ARHGAP39: variants seen among roughly 807,000 people sequenced by gnomAD.
ARHGAP39 encodes rho GTPase-activating protein 39.
ARHGAP39 carries 44 observed loss-of-function variants against 106.9 expected under a neutral mutation model. The observed-to-expected ratio is 0.41, with a 90% CI of 0.32 to 0.53. The LOEUF (loss-of-function observed/expected upper bound fraction) is 0.53. Ranked by LOEUF, ARHGAP39 falls within the 20% of genes least tolerant of loss-of-function variation. The probability of loss-of-function intolerance (pLI) is 0.21; values close to 1 mark genes in which losing one functional copy is unlikely to be tolerated. For missense variants in ARHGAP39, 1,496 were observed against 1,577.3 expected, an observed-to-expected ratio of 0.95 and a Z score of 0.87; for synonymous variants, 768 against 693.2, an observed-to-expected ratio of 1.11 and a Z score of -1.69.
chr8:144,600,691 C>T (rs537607013), intron 2 of ARHGAP39, among the ~76,000 whole-genome samples: 11 of 137,888 alleles, frequency 8.0e-5, no homozygotes, highest in East Asian at 4.6e-4. Flanking sequence ...TGTGCGTGTG[C>T]GTGGAGACGT....
chr8:144,547,354 A>G lies in ARHGAP39; in HGVS notation c.1732T>C (p.Ser578Pro), dbSNP rs758861601. Residue 578 changes from serine to proline, a missense_variant, in exon 5 of 12, where the codon TCC becomes CCC. Physicochemically the swap from Ser to Pro is moderately conservative, Grantham distance 74. Around this residue, in one of 4 missense-constraint regions of ARHGAP39, gnomAD observed 905 missense variants for 816.4 expected, o/e 1.11. Coordinates refer to ENST00000377307, the MANE Select transcript of ARHGAP39 (RefSeq NM_025251.3). The surrounding 1 kb of genome is among the most constrained non-coding windows in gnomAD (Gnocchi z 5.2). ...FHMKQRSSWD[S>P]QQDGSGYESD... ...TCGTAGCCAGAGCCGTCCTGCTGGG[A>G]GTCCCAGCTGCTCCTCTGCTTCATG... is the stretch of plus-strand genomic sequence containing the variant. 6.9e-6 allele frequency: 11 copies of G among 1,603,332 alleles called. No homozygotes were observed. The highest frequency in any genetic ancestry group is 8.5e-6 in the Non-Finnish European group (10 of 1,178,036).
At chr8:144,686,813 TCTC>T (rs1039704251), upstream of ARHGAP39, among the ~76,000 whole-genome samples, 123 of 152,278 alleles carry the variant, frequency 8.1e-4, 1 homozygote, top group African/African-American at 2.5e-3. Context: ...GCCCAACCCT[TCTC>T]CTCCATGACT....
At chr8:144,621,678 C>T (rs1820811065) in intron 1 of ARHGAP39, among the ~76,000 whole-genome samples, 2 of 152,090 alleles carry the variant, frequency 1.3e-5, no homozygotes, top group South Asian at 2.1e-4. Context: ...ATTAGCAGGG[C>T]GTGGTGGTGC....
chr8:144,537,898 C>G, intron 6 of ARHGAP39, 85 bp from the exon 7 acceptor site: 1 of 1,259,212 alleles, frequency 7.9e-7, no homozygotes, highest in Middle Eastern at 1.9e-4. Flanking sequence ...GGCTGGTGAG[C>G]AGGCCCCTGG....
intron 1 of ARHGAP39, among the ~76,000 whole-genome samples, chr8:144,635,148 A>T (rs1821143275): frequency 6.6e-6 from 1 of 152,238 alleles, no homozygotes; most frequent in African/African-American, 2.4e-5. Flanking sequence ...TTTGTACATT[A>T]GTGAGTTGAC....
In ARHGAP39 at chr8:144,668,396, G is replaced by A. The variant is rs151072766; in HGVS notation, c.-82+17290C>T. On this transcript the variant is annotated intron_variant, in intron 1 of 11. Transcript: ENST00000377307. ...GTTGAGGCTGCAGTGAGTCAAAATC[G>A]CGCCACTGCACTCCATCATGGGTGG... 4.3e-4 allele frequency among the ~76,000 whole-genome samples: 65 copies of A among 152,286 alleles called. 1 individual carries two copies. The highest frequency in any genetic ancestry group is 1.2e-3 in the African/African-American group (51 of 41,562).
At chr8:144,650,360 C>T (rs1191171831) in intron 1 of ARHGAP39, among the ~76,000 whole-genome samples, 2 of 152,026 alleles carry the variant, frequency 1.3e-5, no homozygotes, top group Non-Finnish European at 2.9e-5. Flanking sequence ...GAAACTATTC[C>T]AAAAAATTGA....
upstream of ARHGAP39, among the ~76,000 whole-genome samples, chr8:144,686,377 G>A (rs1822590437): frequency 1.3e-5 from 2 of 152,070 alleles, no homozygotes; most frequent in South Asian, 4.2e-4. Context: ...TCTATTCGGC[G>A]TTTTCTAATC....
In ARHGAP39 at chr8:144,598,989, G is replaced by A. The variant is rs148613640; in HGVS notation, c.80+6546C>T. On this transcript the variant is annotated intron_variant, in intron 2 of 11. Coordinates refer to ENST00000377307, the MANE Select transcript of ARHGAP39 (RefSeq NM_025251.3). ...ACAAAGTGAACAGTAATACACGGAG[G>A]GTAACTACTTCAGTGATCATCAGAG... 1.3e-3 allele frequency among the ~76,000 whole-genome samples: 197 copies of A among 152,302 alleles called. 3 individuals carry two copies. Among genetic ancestry groups the A allele is most frequent in the South Asian group, 1.0e-3 (5 of 4,824 alleles).
rs374287418 is a variant in ARHGAP39 at position 144,639,281 on chromosome 8, G to A, written c.-81-33586C>T. ...GTGGAGGTTGCAGTGAGCTGAGATC[G>A]CACCACTGCACTCCAGCCTGGGTGA... On this transcript the variant is annotated intron_variant, in intron 1 of 11. Transcript: ENST00000377307. Among the ~76,000 whole-genome samples the A allele has an allele frequency of 1.3e-4, 19 of 145,944 alleles. No individual in the cohort carries two copies. The East Asian group carries it at 1.4e-3, about 11-fold the overall frequency.
intron 3 of ARHGAP39, among the ~76,000 whole-genome samples, chr8:144,566,851 T>C (rs1406694335): frequency 3.5e-5 from 5 of 140,926 alleles, no homozygotes; most frequent in African/African-American, 8.2e-5. Flanking sequence ...TGAGACTCCA[T>C]CTCAAAAAAA....
At position 144,547,110 on chromosome 8, in the gene ARHGAP39, G is replaced by A. The variant is rs746101500; in HGVS notation, c.1959+17C>T. Reference sequence around the variant, plus strand: ...GCCCCAGGCTCTCAAGCTCAGCCGCGCCCATTGGGCCCTCACCTGTGAGGG... The same window carrying A: ...GCCCCAGGCTCTCAAGCTCAGCCGCACCCATTGGGCCCTCACCTGTGAGGG... On this transcript the variant is annotated intron_variant, in intron 5 of 11. Coordinates refer to ENST00000377307, the MANE Select transcript of ARHGAP39 (RefSeq NM_025251.3). The surrounding 1 kb of genome is among the most constrained non-coding windows in gnomAD (Gnocchi z 5.2). 21 of 1,558,620 alleles carry A rather than the reference G, an allele frequency of 1.3e-5. No individual in the cohort carries two copies. The Admixed American group carries it at 1.9e-4, about 14-fold the overall frequency.
At position 144,548,533 on chromosome 8, in the gene ARHGAP39, C is replaced by A; in HGVS notation, c.597-44G>T. 1 of 1,583,372 alleles carries A rather than the reference C, an allele frequency of 6.3e-7. No homozygotes were observed. The highest frequency in any genetic ancestry group is 8.6e-7 in the Non-Finnish European group (1 of 1,168,600). ...GGCACAGGTGACTGCCTGCCTGCTGCTTCTGGGCACGCCCCACCCCCTCGG... is the reference window on the plus strand; with the variant it reads ...GGCACAGGTGACTGCCTGCCTGCTGATTCTGGGCACGCCCCACCCCCTCGG... On this transcript the variant is annotated intron_variant, in intron 4 of 11. Coordinates refer to ENST00000377307, the MANE Select transcript of ARHGAP39 (RefSeq NM_025251.3). This position sits in a 1 kb window ranked among gnomAD's most constrained non-coding sequence, Gnocchi z 7.4.
intron 1 of ARHGAP39, among the ~76,000 whole-genome samples, chr8:144,620,005 A>G (rs903122228): frequency 1.5e-5 from 2 of 129,432 alleles, no homozygotes; most frequent in African/African-American, 3.0e-5. Flanking sequence ...CCCATGTGTG[A>G]GCCTGTGCGT....
At chr8:144,669,928 C>G (rs748460654) in intron 1 of ARHGAP39, among the ~76,000 whole-genome samples, 24 of 152,152 alleles carry the variant, frequency 1.6e-4, no homozygotes, top group Non-Finnish European at 2.1e-4. Flanking sequence ...AAACGTAGGA[C>G]GGGGCAGCTG....
chr8:144,584,076 A>G (rs2130905445), intron 2 of ARHGAP39: 1 of 152,398 alleles, frequency 6.6e-6, no homozygotes, highest in Non-Finnish European at 1.5e-5. Flanking sequence ...TTATTTTTAA[A>G]AGTGGCATAT....
chr8:144,626,536 G>C, intron 1 of ARHGAP39, among the ~76,000 whole-genome samples: 1 of 108,866 alleles, frequency 9.2e-6, no homozygotes, highest in South Asian at 3.6e-4. Context: ...CACTGCGGCA[G>C]CCCCTGTCCC....
chr8:144,692,785 G>T, the ARHGAP39 span, among the ~76,000 whole-genome samples: 1 of 131,304 alleles, frequency 7.6e-6, no homozygotes, highest in South Asian at 2.5e-4. Flanking sequence ...GTGAGACGGA[G>T]ATTTACTCTT....
intron 1 of ARHGAP39, among the ~76,000 whole-genome samples, chr8:144,619,394 CCATGTG>C (rs370400279): frequency 0.027 from 4,116 of 152,136 alleles, 180 homozygotes; most frequent in African/African-American, 0.095. Flanking sequence ...GAGTGTGTGC[CCATGTG>C]CGTGTGCGCC....
Sources: allele counts gnomAD v4.1 joint callset (sites outside exome capture counted in the v4.1 genomes callset), GRCh38; gene constraint gnomAD v4.1.1; regional missense constraint gnomAD v4.1.1; non-coding constraint Gnocchi (gnomAD v3.1); transcripts MANE v1.5; gene names NCBI Gene and HGNC (gene_info 2026-07-23, HGNC 2026-07-21).